The following VPS45 variants were observed in gnomAD, a reference collection of about 807,000 sequenced individuals.
VPS45 encodes the protein vacuolar protein sorting 45 homolog.
Under a neutral mutation model 75.9 loss-of-function variants are expected in VPS45, and 35 were observed. The observed-to-expected ratio is 0.46, with a 90% CI of 0.35 to 0.61. VPS45 has a LOEUF of 0.61. Ranked by LOEUF, VPS45 falls within the 20% of genes least tolerant of loss-of-function variation. The probability of loss-of-function intolerance (pLI) is 0.00; values close to 1 mark genes in which losing one functional copy is unlikely to be tolerated. For missense variants in VPS45, 559 were observed against 685.9 expected (o/e 0.81, Z 2.07); for synonymous variants, 220 against 238.2 (o/e 0.92, Z 0.70).
At chr1:150,099,077 A>G (rs1656824304) in intron 13 of VPS45, 3 of 1,026,722 alleles carry the variant, frequency 2.9e-6, no homozygotes, top group Non-Finnish European at 3.5e-6. Flanking sequence ...GAACTGTACC[A>G]TTTGTAAGTA....
chr1:150,082,109 G>A (rs1655747069), intron 9 of VPS45, 112 bp downstream of exon 9: 3 of 665,490 alleles, frequency 4.5e-6, no homozygotes, highest in Non-Finnish European at 5.1e-6. Flanking sequence ...GATTTTATTT[G>A]GTTTGAGACT....
chr1:150,118,407 G>T (rs1418981812), intron 14 of VPS45, among the ~76,000 whole-genome samples: 1 of 151,540 alleles, frequency 6.6e-6, no homozygotes, highest in Non-Finnish European at 1.5e-5. Context: ...CCTGACAAAT[G>T]ACCTTTTGTT....
rs1657575089 is a variant in VPS45, at chr1:150,110,319, T to C, written c.1494-177T>C. On this transcript the variant is annotated intron_variant, in intron 13 of 14. Coordinates refer to ENST00000644510, the MANE Select transcript of VPS45 (RefSeq NM_007259.5). ...CAAATCACTATTCAGCATTTCCTGC[T>C]CTGTTTCCTGCCAATTTCAGATAAT... 9.0e-6 allele frequency: 5 copies of C among 557,156 alleles called. No individual in the cohort carries two copies. The Admixed American group carries it at 1.4e-4, about 15-fold the overall frequency. 34.5% of individuals were successfully genotyped at this position (557,156 alleles called of 1,614,324 possible).
intron 13 of VPS45, chr1:150,110,278 G>A (rs782569558): frequency 6.7e-5 from 29 of 430,270 alleles, no homozygotes; most frequent in Non-Finnish European, 1.0e-4. Flanking sequence ...TAAGACATCC[G>A]CTCATAAACA....
At chr1:150,069,560 C>G (rs1654921296) in intron 2 of VPS45, among the ~76,000 whole-genome samples, 1 of 149,462 alleles carries the variant, frequency 6.7e-6, no homozygotes, top group South Asian at 2.1e-4. Flanking sequence ...GGGTTCACGC[C>G]ATTCTCCTGC....
At chr1:150,075,588 T>C (rs868906967) in intron 3 of VPS45, among the ~76,000 whole-genome samples, 4 of 152,348 alleles carry the variant, frequency 2.6e-5, no homozygotes, top group Middle Eastern at 3.4e-3. Flanking sequence ...TCTAATTCTG[T>C]CATTAACATT....
At chr1:150,113,252 C>G (rs587741866) in intron 14 of VPS45, among the ~76,000 whole-genome samples, 46 of 152,228 alleles carry the variant, frequency 3.0e-4, no homozygotes, top group Admixed American at 1.6e-3. Flanking sequence ...TCCCGTCACC[C>G]TCAGTACTCA....
chr1:150,128,120 G>A (rs1269613337), intron 14 of VPS45, among the ~76,000 whole-genome samples: 1 of 151,946 alleles, frequency 6.6e-6, no homozygotes, highest in Non-Finnish European at 1.5e-5. Flanking sequence ...GGGCAACATG[G>A]TGAGACCCTG....
At chr1:150,114,919 A>AT (rs1657850549) in intron 14 of VPS45, among the ~76,000 whole-genome samples, 1 of 149,706 alleles carries the variant, frequency 6.7e-6, no homozygotes, top group African/African-American at 2.5e-5. Context: ...AAAAAAAAAA[A>AT]CTTTAGTATT....
chr1:150,136,050 A>T (rs1345857190), intron 14 of VPS45, among the ~76,000 whole-genome samples: 9 of 149,972 alleles, frequency 6.0e-5, no homozygotes, highest in African/African-American at 2.2e-4. Flanking sequence ...GGTGTTCAAG[A>T]CCAGCTTGAC....
At chr1:150,088,680 T>C (rs953420543) in intron 10 of VPS45, among the ~76,000 whole-genome samples, 2 of 151,824 alleles carry the variant, frequency 1.3e-5, no homozygotes, top group Non-Finnish European at 2.9e-5. Flanking sequence ...AATTTCACCA[T>C]GTTGTCCAGG....
intron 14 of VPS45, among the ~76,000 whole-genome samples, chr1:150,136,227 C>G (rs1466346466): frequency 4.8e-5 from 5 of 103,180 alleles, no homozygotes; most frequent in Non-Finnish European, 9.1e-5. Context: ...CCAGCTTGGG[C>G]AACAGAGTGA....
chr1:150,132,975 A>G (rs955427394), intron 14 of VPS45, among the ~76,000 whole-genome samples: 2 of 152,158 alleles, frequency 1.3e-5, no homozygotes, highest in Non-Finnish European at 2.9e-5. Context: ...TTTTGGGGAG[A>G]TAAAGTAAAA....
intron 2 of VPS45, 146 bp from the exon 3 acceptor site, chr1:150,072,020 C>T (rs1001264084): frequency 4.2e-5 from 18 of 433,072 alleles, no homozygotes; most frequent in Admixed American, 7.7e-5. Context: ...TTGTCTCCAG[C>T]CCTTACCCAC....
intron 14 of VPS45, among the ~76,000 whole-genome samples, chr1:150,137,669 C>G (rs1382947490): frequency 1.3e-5 from 2 of 152,170 alleles, no homozygotes; most frequent in African/African-American, 4.8e-5. Context: ...AATCCTAGCA[C>G]TTTTGGAGGC....
Position 150,144,936 on chromosome 1 carries a change from G to C in VPS45, c.*140G>C. The stretch of plus-strand genomic sequence containing the variant: ...TCTCCAGGTAGCCCACGGATACGTG[G>C]TTGGCACAGACACAAGACTCCCAGA... On this transcript the variant is annotated 3_prime_UTR_variant, in exon 15 of 15. Coordinates refer to ENST00000644510, the MANE Select transcript of VPS45 (RefSeq NM_007259.5). 1 of 1,541,670 alleles carries C rather than the reference G, an allele frequency of 6.5e-7. No individual in the cohort carries two copies. The highest frequency in any genetic ancestry group is 8.7e-7 in the Non-Finnish European group (1 of 1,148,462).
At chr1:150,101,267 G>A (rs1214701446) in intron 13 of VPS45, among the ~76,000 whole-genome samples, 19 of 8,504 alleles carry the variant, frequency 2.2e-3, no homozygotes, top group South Asian at 4.4e-3. Flanking sequence ...AAACCCTGTC[G>A]CAAAAAAAAA....
intron 7 of VPS45, among the ~76,000 whole-genome samples, chr1:150,078,838 G>A (rs925191016): frequency 1.3e-5 from 2 of 151,480 alleles, no homozygotes; most frequent in African/African-American, 4.9e-5. Context: ...AGCCGGGCGC[G>A]GTGACTCACA....
At chr1:150,078,994 C>T (rs1655546781) in intron 7 of VPS45, among the ~76,000 whole-genome samples, 1 of 150,942 alleles carries the variant, frequency 6.6e-6, no homozygotes, top group Non-Finnish European at 1.5e-5. Context: ...GCCTGTAATC[C>T]CAGCTACTCA....
Sources: allele counts gnomAD v4.1 joint callset (sites outside exome capture counted in the v4.1 genomes callset), GRCh38; gene constraint gnomAD v4.1.1; transcripts MANE v1.5; gene names NCBI Gene and HGNC (gene_info 2026-07-23, HGNC 2026-07-21).